Variants in GPHA2 observed in about 807,000 individuals in gnomAD.
GPHA2 encodes glycoprotein hormone subunit alpha 2, also known as glycoprotein hormone alpha-2.
GPHA2 carries 12 observed loss-of-function variants against 15.3 expected under a neutral mutation model. The observed-to-expected ratio is 0.78, with a 90% CI of 0.50 to 1.27. GPHA2 has a LOEUF of 1.27. Ranked by LOEUF, GPHA2 falls within the 50% of genes most tolerant of loss-of-function variation. The pLI is 0.00. For synonymous variants in GPHA2, 61 were observed against 66.8 expected (o/e 0.91, Z 0.42); for missense variants, 156 against 169.5 (o/e 0.92, Z 0.44).
chr11:64,935,237 C>A, intron 2 of GPHA2, 62 bp from the exon 3 acceptor site: 1 of 1,539,398 alleles, frequency 6.5e-7, no homozygotes. Context: ...GCCCCAGCTC[C>A]CGTTGCCTGT....
chr11:64,934,636 C>T lies in GPHA2; in HGVS notation c.*137G>A. ...AAGGATCAAAGCTGGAACAACCCTC[C>T]CCTTATTTAAAAAAATTCCATAGCA... On this transcript the variant is annotated 3_prime_UTR_variant, in exon 4 of 4. Transcript: ENST00000279168. 1.4e-6 allele frequency: 1 copy of T among 705,508 alleles called. No homozygotes were observed. The allele number at this position is 705,508 out of a possible 1,614,324, so 43.7% of individuals were successfully genotyped here.
intron 1 of GPHA2, 132 bp downstream of exon 1, chr11:64,935,702 C>T (rs892446420): frequency 2.5e-5 from 10 of 393,768 alleles, no homozygotes; most frequent in African/African-American, 2.1e-4. Flanking sequence ...GTGATTCTCC[C>T]TTCCCTGGAA....
chr11:64,935,340 G>T lies in GPHA2; in HGVS notation c.103+18C>A. The T allele has an allele frequency of 1.3e-6, 2 of 1,562,294 alleles. No homozygotes were observed. Among genetic ancestry groups the T allele is most frequent in the African/African-American group, 1.4e-5 (1 of 73,146 alleles). ...GAACCTCCACTGCTCCTAGCCCTCC[G>T]GTCCCAGAGGTACTCACGGTGCAAG... On this transcript the variant is annotated intron_variant, in intron 2 of 3. Transcript: ENST00000279168.
At chr11:64,935,591 C>T (rs996404400) in intron 1 of GPHA2, 131 bp from the exon 2 acceptor site, 18 of 616,328 alleles carry the variant, frequency 2.9e-5, no homozygotes, top group Admixed American at 1.5e-4. Flanking sequence ...AATGGTGCTG[C>T]CTTTTCCCTG....
In GPHA2 at chr11:64,934,771, G is replaced by A. The variant is rs1461924060; in HGVS notation, c.*2C>T. On this transcript the variant is annotated 3_prime_UTR_variant, in exon 4 of 4. Transcript: ENST00000279168. ...AGGGGAGGAAGGAGGGGAGAGGATG[G>A]GCTAGTAGCGAGAGAGGCGACACAT... The A allele has an allele frequency of 6.2e-7, 1 of 1,612,226 alleles. No homozygotes were observed. Among genetic ancestry groups the A allele is most frequent in the Non-Finnish European group, 8.5e-7 (1 of 1,178,330 alleles).
chr11:64,935,531 T>C, intron 1 of GPHA2, 71 bp from the exon 2 acceptor site: 1 of 1,030,230 alleles, frequency 9.7e-7, no homozygotes, highest in Non-Finnish European at 1.4e-6. Flanking sequence ...AATACTGCAT[T>C]CCAGGTGAGT....
chr11:64,935,296 A>C, intron 2 of GPHA2, 62 bp downstream of exon 2: 4 of 943,496 alleles, frequency 4.2e-6, no homozygotes, highest in Non-Finnish European at 4.7e-6. Flanking sequence ...CCGTCCACTC[A>C]GCTCTTTGCT....
chr11:64,934,713 T>A lies in GPHA2; in HGVS notation c.*60A>T. ...CCAGTTTTTGAATCTTGAACACAGG[T>A]TTCCCCCACCAGAACGTCAAGCCCT... On this transcript the variant is annotated 3_prime_UTR_variant, in exon 4 of 4. Coordinates refer to ENST00000279168, the MANE Select transcript of GPHA2 (RefSeq NM_130769.4). 7.3e-7 allele frequency: 1 copy of A among 1,365,248 alleles called. No homozygotes were observed. The highest frequency in any genetic ancestry group is 1.2e-5 in the South Asian group (1 of 86,180). 84.6% of individuals were successfully genotyped at this position (1,365,248 alleles called of 1,614,324 possible). A position where few individuals can be genotyped will look rare whatever the true frequency, so the allele number is the denominator to read the frequency against.
At position 64,935,340 on chromosome 11, in the gene GPHA2, G is replaced by A. The variant is rs764994169; in HGVS notation, c.103+18C>T. 26 of 1,562,180 alleles carry A rather than the reference G, an allele frequency of 1.7e-5. No individual in the cohort carries two copies. The highest frequency in any genetic ancestry group is 4.5e-5 in the East Asian group (2 of 44,440). On this transcript the variant is annotated intron_variant, in intron 2 of 3. Coordinates refer to ENST00000279168, the MANE Select transcript of GPHA2 (RefSeq NM_130769.4). ...GAACCTCCACTGCTCCTAGCCCTCC[G>A]GTCCCAGAGGTACTCACGGTGCAAG...
rs199713749 is a variant in GPHA2, at chr11:64,934,951, C to G, written c.288+40G>C. 7 of 1,613,102 alleles carry G rather than the reference C, an allele frequency of 4.3e-6. No homozygotes were observed. The African/African-American group carries it at 9.3e-5, about 22-fold the overall frequency. ...GATCTCCATCTCTCTGGTCTTCCCG[C>G]GACCCCAGCGTCCATCCACCGGGCC... On this transcript the variant is annotated intron_variant, in intron 3 of 3. Transcript: ENST00000279168.
At position 64,935,510 on chromosome 11, in the gene GPHA2, C is replaced by T. The variant is rs201796716; in HGVS notation, c.1-50G>A. ...CTACGTGGGTGTGCAGGTGGGATGG[C>T]GAGTTCTTTAAATACTGCATTCCAG... On this transcript the variant is annotated intron_variant, in intron 1 of 3. Transcript: ENST00000279168. 5.4e-6 allele frequency: 7 copies of T among 1,300,286 alleles called. No individual in the cohort carries two copies. The East Asian group carries it at 1.5e-4, about 27-fold the overall frequency. The allele number at this position is 1,300,286 out of a possible 1,614,324, so 80.5% of individuals were successfully genotyped here.
chr11:64,934,918 C>G (rs758399509), intron 3 of GPHA2, 44 bp from the exon 4 acceptor site: 1 of 1,611,980 alleles, frequency 6.2e-7, no homozygotes, highest in Admixed American at 1.7e-5. Context: ...TTTCTCAGGG[C>G]TGTCTAGGAT....
At chr11:64,935,227 G>T (rs184776178) in intron 2 of GPHA2, 52 bp from the exon 3 acceptor site, 3 of 1,553,108 alleles carry the variant, frequency 1.9e-6, no homozygotes, top group Non-Finnish European at 2.6e-6. Context: ...GGTTTGCCTC[G>T]CCCCAGCTCC....
At chr11:64,936,572 CTG>C (rs1945295873), upstream of GPHA2, among the ~76,000 whole-genome samples, 1 of 152,178 alleles carries the variant, frequency 6.6e-6, no homozygotes, top group Non-Finnish European at 1.5e-5. Flanking sequence ...GCATGAGACA[CTG>C]TGCCTGGCCA....
In GPHA2 at chr11:64,934,807, C is replaced by G. The variant is rs751822896; in HGVS notation, c.356G>C (p.Cys119Ser). ...AGAGAGGCGACACATGTCACACTGG[C>G]AGGCCCTGGCCGTGAAGATCTCGAG... ...EELEIFTARA[C>S]QCDMCRLSRY The change falls in exon 4 of 4, where the codon TGC becomes TCC. Residue 119 changes from cysteine to serine, a missense_variant. By Grantham distance (112) the Cys-to-Ser change is moderately radical. Coordinates refer to ENST00000279168, the MANE Select transcript of GPHA2 (RefSeq NM_130769.4). 17 of 1,614,110 alleles carry G rather than the reference C, an allele frequency of 1.1e-5. No individual in the cohort carries two copies. In the South Asian group the frequency reaches 1.9e-4, roughly 18 times the overall value.
upstream of GPHA2, among the ~76,000 whole-genome samples, chr11:64,936,172 G>A (rs528950470): frequency 1.8e-4 from 28 of 152,300 alleles, no homozygotes; most frequent in African/African-American, 6.5e-4. Flanking sequence ...TGACGACACA[G>A]GGGTCAAGAC....
rs540295503 is a variant in GPHA2 at position 64,935,339 on chromosome 11, C to T, written c.103+19G>A. 32 of 1,561,298 alleles carry T rather than the reference C, an allele frequency of 2.0e-5. 1 individual carries two copies. The highest frequency in any genetic ancestry group is 3.7e-4 in the Middle Eastern group (2 of 5,400). Reference sequence around the variant, plus strand: ...AGAACCTCCACTGCTCCTAGCCCTCCGGTCCCAGAGGTACTCACGGTGCAA... The same window carrying T: ...AGAACCTCCACTGCTCCTAGCCCTCTGGTCCCAGAGGTACTCACGGTGCAA... On this transcript the variant is annotated intron_variant, in intron 2 of 3. Coordinates refer to ENST00000279168, the MANE Select transcript of GPHA2 (RefSeq NM_130769.4).
Position 64,935,098 on chromosome 11 carries a change from AG to A in GPHA2, c.180del (p.Cys61ValfsTer34). 1 of 1,614,000 alleles carries A rather than the reference AG, an allele frequency of 6.2e-7. No homozygotes were observed. On this transcript the variant is annotated frameshift_variant, in exon 3 of 4. Coordinates refer to ENST00000279168, the MANE Select transcript of GPHA2 (RefSeq NM_130769.4). LOFTEE classifies it high-confidence loss of function. ...CGAGAAGGGAAGGCGCTGGACTCAC[AG>A]TGGCCCACACAGGCCTGTGCCACGT... ...GSHVAQACVG[H>X]CESSAFPSRY...
rs1565110561 is a variant in GPHA2, at chr11:64,934,888, GA to G, written c.289-15del. The G allele has an allele frequency of 6.2e-7, 1 of 1,613,000 alleles. No homozygotes were observed. Among genetic ancestry groups the G allele is most frequent in the African/African-American group, 1.3e-5 (1 of 74,872 alleles). ...CTGTACTTTGACCTGCGGGAGAGGGGAGTCCGTGCTGCAGTCCCCTTTCTCA... is the reference window on the plus strand; with the variant it reads ...CTGTACTTTGACCTGCGGGAGAGGGGGTCCGTGCTGCAGTCCCCTTTCTCA... On this transcript the variant is annotated splice_polypyrimidine_tract_variant and intron_variant, in intron 3 of 3. Transcript: ENST00000279168.
Sources: allele counts gnomAD v4.1 joint callset (sites outside exome capture counted in the v4.1 genomes callset), GRCh38; gene constraint gnomAD v4.1.1; transcripts MANE v1.5; gene names NCBI Gene and HGNC (gene_info 2026-07-23, HGNC 2026-07-21).